The following CRPPA variants were observed in gnomAD, a reference collection of about 807,000 sequenced individuals.
CRPPA encodes CDP-L-ribitol pyrophosphorylase A.
Under a neutral mutation model 52.0 loss-of-function variants are expected in CRPPA, and 43 were observed. The observed-to-expected ratio is 0.83, with a 90% CI of 0.65 to 1.07. The LOEUF is 1.07. Among genes scored for constraint, CRPPA ranks in the 50% least tolerant of loss-of-function variants. CRPPA has a pLI of 0.00. For synonymous variants in CRPPA, 250 were observed against 203.5 expected (o/e 1.23, Z -1.94); for missense variants, 629 against 551.7 (o/e 1.14, Z -1.40).
rs202011820 is a variant in CRPPA at position 16,216,099 on chromosome 7, A to C, written c.1218T>G (p.Ile406Met). 1.1e-4 allele frequency: 169 copies of C among 1,602,254 alleles called. No individual in the cohort carries two copies. In the African/African-American group the frequency reaches 2.0e-3, roughly 19 times the overall value. ...AAGATATGAGAAGCCCATATAACAA[A>C]ATATTTCTTTCTTTTACTTCCTTTG... is the stretch of plus-strand genomic sequence containing the variant. ...EFAKEVKERN[I>M]LLYGLLISYP... Residue 406 changes from isoleucine (I) to methionine (M), a missense_variant, in exon 9 of 10, where the codon ATT (isoleucine) becomes ATG (methionine). Transcript: ENST00000407010.
At chr7:16,116,064 A>G (rs1010592368) in intron 9 of CRPPA, among the ~76,000 whole-genome samples, 8 of 152,232 alleles carry the variant, frequency 5.3e-5, no homozygotes, top group African/African-American at 9.6e-5. Flanking sequence ...TGGTATGATT[A>G]AAAATCGGGA....
intron 9 of CRPPA, among the ~76,000 whole-genome samples, chr7:16,119,998 G>T (rs1410891298): frequency 6.6e-6 from 1 of 152,180 alleles, no homozygotes; most frequent in Non-Finnish European, 1.5e-5. Context: ...GAATCTAGTG[G>T]AAGTCAAGCT....
At chr7:16,122,095 A>G (rs1457687936) in intron 9 of CRPPA, among the ~76,000 whole-genome samples, 2 of 152,096 alleles carry the variant, frequency 1.3e-5, no homozygotes, top group East Asian at 1.9e-4. Flanking sequence ...TAACATGTTT[A>G]CCATTCACTC....
intron 3 of CRPPA, among the ~76,000 whole-genome samples, chr7:16,316,855 T>C (rs939914967): frequency 6.6e-6 from 1 of 152,012 alleles, no homozygotes; most frequent in Non-Finnish European, 1.5e-5. Context: ...TGAGACACCA[T>C]CTCTAATAGA....
chr7:16,151,448 G>C (rs980291007), intron 9 of CRPPA, among the ~76,000 whole-genome samples: 1 of 152,064 alleles, frequency 6.6e-6, no homozygotes, highest in Non-Finnish European at 1.5e-5. Flanking sequence ...AAGGCACTCT[G>C]TTCACAGAGG....
intron 6 of CRPPA, among the ~76,000 whole-genome samples, chr7:16,271,920 G>C (rs1784099333): frequency 6.6e-6 from 1 of 152,030 alleles, no homozygotes; most frequent in African/African-American, 2.4e-5. Context: ...TTATTATTTG[G>C]TAAATAAACT....
chr7:16,399,722 C>A (rs1237686770), intron 2 of CRPPA, among the ~76,000 whole-genome samples: 1 of 151,566 alleles, frequency 6.6e-6, no homozygotes, highest in African/African-American at 2.4e-5. Context: ...ACTGACATGA[C>A]TGACATATGA....
chr7:16,089,629 G>T lies in CRPPA; in HGVS notation c.*2066C>A. Reference sequence around the variant, plus strand: ...TGGGTATACATACATGTATATGTATGTATGTATTTTTTTTTCCCAATGCTG... The same window carrying T: ...TGGGTATACATACATGTATATGTATTTATGTATTTTTTTTTCCCAATGCTG... On this transcript the variant is annotated 3_prime_UTR_variant, in exon 10 of 10. Transcript: ENST00000407010. 4.9e-6 allele frequency: 1 copy of T among 202,026 alleles called. No homozygotes were observed. Among genetic ancestry groups the T allele is most frequent in the Non-Finnish European group, 1.1e-5 (1 of 92,574 alleles). 12.5% of individuals were successfully genotyped at this position (202,026 alleles called of 1,614,324 possible).
In CRPPA at chr7:16,344,708, G is replaced by C. The variant is rs527849603; in HGVS notation, c.684+31384C>G. On this transcript the variant is annotated intron_variant, in intron 3 of 9. Transcript: ENST00000407010. The stretch of plus-strand genomic sequence containing the variant: ...AAAAGGTATAAGTTCTGGAGTCAAA[G>C]TACAATGCAAATGACTAGTCCACTA... Among the ~76,000 whole-genome samples the C allele has an allele frequency of 2.0e-5, 3 of 152,076 alleles. 1 individual carries two copies. Among genetic ancestry groups the C allele is most frequent in the African/African-American group, 7.2e-5 (3 of 41,506 alleles).
intron 3 of CRPPA, among the ~76,000 whole-genome samples, chr7:16,321,565 G>A (rs982545572): frequency 2.0e-5 from 3 of 152,118 alleles, no homozygotes; most frequent in Non-Finnish European, 4.4e-5. Flanking sequence ...AACAGGTTAT[G>A]AGAATCTGAA....
At chr7:16,267,943 T>C (rs1562597229) in intron 6 of CRPPA, among the ~76,000 whole-genome samples, 1 of 152,176 alleles carries the variant, frequency 6.6e-6, no homozygotes, top group Non-Finnish European at 1.5e-5. Flanking sequence ...TACAGGAAGA[T>C]GTATATAGGT....
At position 16,146,966 on chromosome 7, in the gene CRPPA, G is replaced by C. The variant is rs970975341; in HGVS notation, c.1252-55167C>G. On this transcript the variant is annotated intron_variant, in intron 9 of 9. Transcript: ENST00000407010. ...TAAATTATCTAATCAAAAGACATAG[G>C]GGCTACACAGATTTTAAAAATAAGA... Among the ~76,000 whole-genome samples the C allele has an allele frequency of 2.6e-5, 4 of 152,016 alleles. No homozygotes were observed. The East Asian group carries it at 7.7e-4, about 29-fold the overall frequency.
chr7:16,392,378 G>C (rs908915337), intron 2 of CRPPA, among the ~76,000 whole-genome samples: 3 of 152,098 alleles, frequency 2.0e-5, no homozygotes, highest in African/African-American at 7.2e-5. Flanking sequence ...GAGCGCATGG[G>C]CAAACAGTAG....
At position 16,315,100 on chromosome 7, in the gene CRPPA, G is replaced by A. The variant is rs1274977569; in HGVS notation, c.685-6473C>T. Among the ~76,000 whole-genome samples, 3 of 152,018 alleles carry A rather than the reference G, an allele frequency of 2.0e-5. No individual in the cohort carries two copies. In the East Asian group the frequency reaches 5.8e-4, roughly 29 times the overall value. The stretch of plus-strand genomic sequence containing the variant: ...GCTTTTCAGTTTTGCAAATTTCTAT[G>A]AAGATATATACTCAAGCTGAGATAG... On this transcript the variant is annotated intron_variant, in intron 3 of 9. Coordinates refer to ENST00000407010, the MANE Select transcript of CRPPA (RefSeq NM_001101426.4).
At chr7:16,140,404 A>G (rs867529009) in intron 9 of CRPPA, among the ~76,000 whole-genome samples, 1 of 152,068 alleles carries the variant, frequency 6.6e-6, no homozygotes, top group Non-Finnish European at 1.5e-5. Context: ...AGCTCAGGCA[A>G]TCCACTGGCC....
chr7:16,409,461 G>C (rs1788029332), intron 1 of CRPPA, among the ~76,000 whole-genome samples: 1 of 152,200 alleles, frequency 6.6e-6, no homozygotes, highest in Non-Finnish European at 1.5e-5. Flanking sequence ...GATGCAGAGA[G>C]ACCAGGTAGG....
chr7:16,353,654 A>T (rs1030578432), intron 3 of CRPPA, among the ~76,000 whole-genome samples: 1 of 152,156 alleles, frequency 6.6e-6, no homozygotes, highest in East Asian at 1.9e-4. Flanking sequence ...GTTTGAGACC[A>T]GCCTGACCAA....
rs189305913 is a variant in CRPPA at position 16,314,229 on chromosome 7, T to C, written c.685-5602A>G. On this transcript the variant is annotated intron_variant, in intron 3 of 9. Coordinates refer to ENST00000407010, the MANE Select transcript of CRPPA (RefSeq NM_001101426.4). ...AGCACTGTTTTATATCCTTGGAAGA[T>C]TGACCCTTCTATCATTATGTAATGC... Among the ~76,000 whole-genome samples, 226 of 151,984 alleles carry C rather than the reference T, an allele frequency of 1.5e-3. 3 individuals carry two copies. The highest frequency in any genetic ancestry group is 5.4e-3 in the African/African-American group (223 of 41,362).
intron 5 of CRPPA, among the ~76,000 whole-genome samples, chr7:16,280,219 T>A (rs1450741017): frequency 6.6e-6 from 1 of 152,154 alleles, no homozygotes; most frequent in African/African-American, 2.4e-5. Context: ...TAGTAGTGAG[T>A]TCTAAAGTGG....
Sources: allele counts gnomAD v4.1 joint callset (sites outside exome capture counted in the v4.1 genomes callset), GRCh38; gene constraint gnomAD v4.1.1; transcripts MANE v1.5; gene names NCBI Gene and HGNC (gene_info 2026-07-23, HGNC 2026-07-21).